Variants in OPCML observed in about 807,000 individuals in gnomAD.
The protein encoded by OPCML is opioid-binding protein/cell adhesion molecule.
In OPCML, 13 loss-of-function variants were observed where a neutral mutation model predicts 37.8. The observed-to-expected ratio is 0.34, with a 90% CI of 0.22 to 0.55. The LOEUF (loss-of-function observed/expected upper bound fraction) is 0.55, where lower values mean the gene tolerates loss of function less well. OPCML is among the 20% of genes least tolerant of loss of function. OPCML has a pLI of 0.91. For synonymous variants in OPCML, 176 were observed against 168.8 expected (o/e 1.04, Z -0.33); for missense variants, 341 against 435.6 (o/e 0.78, Z 1.93).
chr11:132,627,308 T>C (rs1939810238), intron 3 of OPCML, among the ~76,000 whole-genome samples: 1 of 152,198 alleles, frequency 6.6e-6, no homozygotes, highest in African/African-American at 2.4e-5. Flanking sequence ...AAAAGAACAG[T>C]TCAACCCAAA....
chr11:133,508,664 G>A (rs1948090691), intron 1 of OPCML, among the ~76,000 whole-genome samples: 1 of 152,320 alleles, frequency 6.6e-6, no homozygotes, highest in East Asian at 1.9e-4. Context: ...GGAGTGGGAA[G>A]AATGCAAGTA....
At chr11:132,737,438 A>G (rs1591537228) in intron 2 of OPCML, among the ~76,000 whole-genome samples, 1 of 152,348 alleles carries the variant, frequency 6.6e-6, no homozygotes, top group East Asian at 1.9e-4. Flanking sequence ...ATGTGCTAAT[A>G]TTTGTGGATA....
intron 1 of OPCML, among the ~76,000 whole-genome samples, chr11:133,401,501 C>G (rs1945405391): frequency 6.6e-6 from 1 of 152,000 alleles, no homozygotes; most frequent in African/African-American, 2.4e-5. Flanking sequence ...TGCATTTTTC[C>G]TAGAGCTGCA....
intron 2 of OPCML, among the ~76,000 whole-genome samples, chr11:132,885,606 G>T: frequency 6.6e-6 from 1 of 151,926 alleles, no homozygotes; most frequent in Non-Finnish European, 1.5e-5. Flanking sequence ...GGGGTAAAAG[G>T]GCTTTCTCAA....
At chr11:133,151,272 CAATAAT>C (rs528384274) in intron 1 of OPCML, among the ~76,000 whole-genome samples, 1 of 150,934 alleles carries the variant, frequency 6.6e-6, no homozygotes, top group Non-Finnish European at 1.5e-5. Flanking sequence ...GACTCTGTCT[CAATAAT>C]AATAATAATA....
At chr11:132,850,987 G>A (rs538481294) in intron 2 of OPCML, among the ~76,000 whole-genome samples, 56 of 152,308 alleles carry the variant, frequency 3.7e-4, no homozygotes, top group Middle Eastern at 3.4e-3. Flanking sequence ...TGGGGTCTGC[G>A]AATAGAATTC....
At chr11:132,895,812 G>T (rs1167940341) in intron 2 of OPCML, among the ~76,000 whole-genome samples, 6 of 152,164 alleles carry the variant, frequency 3.9e-5, no homozygotes, top group African/African-American at 1.4e-4. Context: ...CACCCCCCCT[G>T]CCCCTCTTTG....
chr11:132,472,420 G>A (rs2096140880), intron 4 of OPCML, among the ~76,000 whole-genome samples: 1 of 152,212 alleles, frequency 6.6e-6, no homozygotes, highest in South Asian at 2.1e-4. Context: ...CCCTGTAAAA[G>A]CCTACGGAAG....
At chr11:132,527,454 G>T (rs1239725124) in intron 4 of OPCML, among the ~76,000 whole-genome samples, 3 of 151,764 alleles carry the variant, frequency 2.0e-5, no homozygotes, top group Non-Finnish European at 4.4e-5. Flanking sequence ...TCTCATCTTG[G>T]TTTGATTTTT....
chr11:132,485,695 T>C (rs2096197575), intron 4 of OPCML, among the ~76,000 whole-genome samples: 1 of 152,258 alleles, frequency 6.6e-6, no homozygotes, highest in Non-Finnish European at 1.5e-5. Flanking sequence ...CTAATTTGTT[T>C]ATTTTGAAGT....
chr11:132,834,600 AC>A (rs1467376868), intron 2 of OPCML, among the ~76,000 whole-genome samples: 2 of 152,126 alleles, frequency 1.3e-5, no homozygotes, highest in African/African-American at 4.8e-5. Context: ...GTCTTTACAG[AC>A]TGTCTTCCCT....
intron 2 of OPCML, among the ~76,000 whole-genome samples, chr11:132,705,064 G>A (rs1216566376): frequency 6.6e-6 from 1 of 152,220 alleles, no homozygotes; most frequent in African/African-American, 2.4e-5. Context: ...CAGCGAGTGT[G>A]TATTTATTTA....
chr11:132,817,347 T>C (rs1283005993), intron 2 of OPCML, among the ~76,000 whole-genome samples: 1 of 152,190 alleles, frequency 6.6e-6, no homozygotes, highest in Non-Finnish European at 1.5e-5. Flanking sequence ...AAGGCCAGTA[T>C]ATACAATTTT....
intron 1 of OPCML, among the ~76,000 whole-genome samples, chr11:133,028,560 TGAGAGA>T (rs148115731): frequency 3.9e-4 from 57 of 146,642 alleles, no homozygotes; most frequent in South Asian, 8.7e-4. Flanking sequence ...TGTGTACATG[TGAGAGA>T]GAGAGAGAGA....
rs1947106863 is a variant in OPCML, at chr11:132,783,641, G to GGGTGA, written c.147-126327_147-126323dup. On this transcript the variant is annotated intron_variant, in intron 2 of 7. Transcript: ENST00000524381. Reference sequence around the variant, plus strand: ...CTACATCCTAAGCAAAAATCCAGGGGGGTGAATAAAGATATAATACTCCCA... The same window carrying GGGTGA: ...CTACATCCTAAGCAAAAATCCAGGGGGGTGAGGTGAATAAAGATATAATACTCCCA... Among the ~76,000 whole-genome samples, 5 of 152,126 alleles carry GGGTGA rather than the reference G, an allele frequency of 3.3e-5. No individual in the cohort carries two copies. The South Asian group carries it at 6.2e-4, about 19-fold the overall frequency.
At chr11:133,024,365 C>T (rs1483227586) in intron 1 of OPCML, 1 of 985,116 alleles carries the variant, frequency 1.0e-6, no homozygotes, top group Non-Finnish European at 1.2e-6. Flanking sequence ...CACACGTGTC[C>T]ATTGAACTTA....
rs2095950670 is a variant in OPCML at position 132,419,678 on chromosome 11, C to T, written c.*515G>A. 1 of 153,588 alleles carries T rather than the reference C, an allele frequency of 6.5e-6. No homozygotes were observed. The highest frequency in any genetic ancestry group is 1.4e-5 in the Non-Finnish European group (1 of 69,156). 9.5% of individuals were successfully genotyped at this position (153,588 alleles called of 1,614,324 possible). ...GTCCCAGAAAGAAAAGACGTGAACC[C>T]TAATGGAATTAGATAATAATTAACA... is the stretch of plus-strand genomic sequence containing the variant. On this transcript the variant is annotated 3_prime_UTR_variant, in exon 8 of 8. Coordinates refer to ENST00000524381, the MANE Select transcript of OPCML (RefSeq NM_001012393.5).
intron 1 of OPCML, among the ~76,000 whole-genome samples, chr11:133,459,589 A>G (rs576171917): frequency 6.6e-6 from 1 of 152,256 alleles, no homozygotes; most frequent in South Asian, 2.1e-4. Flanking sequence ...CGGCCAACTA[A>G]TATTAGACAA....
intron 1 of OPCML, among the ~76,000 whole-genome samples, chr11:133,405,087 A>G (rs941336263): frequency 3.3e-5 from 5 of 152,156 alleles, no homozygotes; most frequent in Non-Finnish European, 5.9e-5. Flanking sequence ...TACATAGGAC[A>G]CTCAGTAAAA....
Sources: allele counts gnomAD v4.1 joint callset (sites outside exome capture counted in the v4.1 genomes callset), GRCh38; gene constraint gnomAD v4.1.1; transcripts MANE v1.5; gene names NCBI Gene and HGNC (gene_info 2026-07-23, HGNC 2026-07-21).